The following UBE2E2 variants were observed in gnomAD, a reference collection of about 807,000 sequenced individuals.
UBE2E2 encodes ubiquitin conjugating enzyme E2 E2.
Under a neutral mutation model 24.7 loss-of-function variants are expected in UBE2E2, and 6 were observed. The ratio of observed to expected loss-of-function variants is 0.24; its 90% CI spans 0.13 to 0.48. The LOEUF is 0.48. Ranked by LOEUF, UBE2E2 falls within the 20% of genes least tolerant of loss-of-function variation. The pLI, the probability that UBE2E2 is intolerant of heterozygous loss-of-function variation, is 0.99. For synonymous variants in UBE2E2, 104 were observed against 83.6 expected (o/e 1.24, Z -1.33); for missense variants, 169 against 245.0 (o/e 0.69, Z 2.07).
chr3:23,542,175 T>C (rs1695408952), intron 5 of UBE2E2, among the ~76,000 whole-genome samples: 1 of 152,198 alleles, frequency 6.6e-6, no homozygotes, highest in African/African-American at 2.4e-5. Flanking sequence ...GGAGGGTACA[T>C]TTATCTGAGG....
intron 4 of UBE2E2, among the ~76,000 whole-genome samples, chr3:23,502,622 A>G (rs2125458067): frequency 6.6e-6 from 1 of 152,308 alleles, no homozygotes; most frequent in South Asian, 2.1e-4. Context: ...CCAATTTTTT[A>G]AAATCAGAGA....
chr3:23,367,182 T>C (rs1696280352), intron 3 of UBE2E2, among the ~76,000 whole-genome samples: 2 of 152,218 alleles, frequency 1.3e-5, no homozygotes, highest in Non-Finnish European at 2.9e-5. Flanking sequence ...ATGGAATTAA[T>C]TTGCCCTGTG....
chr3:23,379,784 A>G (rs1417811914), intron 3 of UBE2E2, among the ~76,000 whole-genome samples: 3 of 152,114 alleles, frequency 2.0e-5, no homozygotes, highest in African/African-American at 7.2e-5. Flanking sequence ...TTTACGTTGA[A>G]ATTCTGAAGA....
chr3:23,320,643 G>T (rs774565793), intron 3 of UBE2E2, among the ~76,000 whole-genome samples: 15 of 152,174 alleles, frequency 9.9e-5, no homozygotes, highest in Non-Finnish European at 1.6e-4. Context: ...TACGTATTTG[G>T]CCTGGGTTCA....
chr3:23,232,258 T>C (rs2125332511), intron 3 of UBE2E2, among the ~76,000 whole-genome samples: 1 of 152,360 alleles, frequency 6.6e-6, no homozygotes, highest in East Asian at 1.9e-4. Context: ...CCAAGGATTT[T>C]AGGAGTTGTA....
chr3:23,436,612 C>T (rs370978561), intron 3 of UBE2E2, among the ~76,000 whole-genome samples: 13 of 151,898 alleles, frequency 8.6e-5, no homozygotes, highest in East Asian at 7.7e-4. Context: ...GCGATTGAGC[C>T]GCTACACTCC....
At chr3:23,345,711 T>C (rs1029615357) in intron 3 of UBE2E2, among the ~76,000 whole-genome samples, 14 of 152,286 alleles carry the variant, frequency 9.2e-5, no homozygotes, top group Middle Eastern at 3.4e-3. Flanking sequence ...AATAGATAAA[T>C]TGATTTTTTT....
chr3:23,426,103 A>G (rs1358973139), intron 3 of UBE2E2, among the ~76,000 whole-genome samples: 1 of 152,222 alleles, frequency 6.6e-6, no homozygotes, highest in Non-Finnish European at 1.5e-5. Flanking sequence ...AATAAAAATG[A>G]AGAATGTTTT....
At chr3:23,451,675 A>G (rs888090836) in intron 3 of UBE2E2, among the ~76,000 whole-genome samples, 4 of 152,250 alleles carry the variant, frequency 2.6e-5, no homozygotes, top group Admixed American at 2.6e-4. Flanking sequence ...ACAACATGAA[A>G]AGTATAGAGG....
At chr3:23,510,189 T>G (rs1227589944) in intron 4 of UBE2E2, among the ~76,000 whole-genome samples, 1 of 152,226 alleles carries the variant, frequency 6.6e-6, no homozygotes, top group East Asian at 1.9e-4. Flanking sequence ...CAGTACATGA[T>G]CATGGCTTAT....
At chr3:23,363,115 A>G (rs766184196) in intron 3 of UBE2E2, among the ~76,000 whole-genome samples, 5 of 152,224 alleles carry the variant, frequency 3.3e-5, no homozygotes, top group Non-Finnish European at 5.9e-5. Context: ...ATTTGTTACC[A>G]CCAGACTTGC....
intron 3 of UBE2E2, among the ~76,000 whole-genome samples, chr3:23,282,295 G>A (rs552518029): frequency 6.6e-6 from 1 of 152,234 alleles, no homozygotes; most frequent in South Asian, 2.1e-4. Context: ...GTTGGCGCTG[G>A]ATGAATGTTT....
intron 1 of UBE2E2, among the ~76,000 whole-genome samples, chr3:23,207,310 C>G (rs1575469547): frequency 6.6e-6 from 1 of 152,104 alleles, no homozygotes; most frequent in East Asian, 1.9e-4. Flanking sequence ...ATTATAACAG[C>G]TACCTAAATA....
rs780028191 is a variant in UBE2E2, at chr3:23,583,632, A to G, written c.509-6102A>G. Among the ~76,000 whole-genome samples the G allele has an allele frequency of 3.3e-5, 5 of 152,112 alleles. No homozygotes were observed. The highest frequency in any genetic ancestry group is 4.8e-5 in the African/African-American group (2 of 41,430). ...GTGATTTGTAATTCTCATTGTAAAG[A>G]TCTTTCACCTCCCTGGTTAGCTGTA... On this transcript the variant is annotated intron_variant, in intron 5 of 5. Transcript: ENST00000396703. This position sits in a 1 kb window ranked among gnomAD's most constrained non-coding sequence, Gnocchi z 4.1.
intron 3 of UBE2E2, among the ~76,000 whole-genome samples, chr3:23,357,253 T>A (rs1297733924): frequency 6.6e-6 from 1 of 152,220 alleles, no homozygotes; most frequent in Non-Finnish European, 1.5e-5. Flanking sequence ...TGGTGATTAT[T>A]GATTTCTGAG....
chr3:23,455,388 A>G (rs969045663), intron 3 of UBE2E2, among the ~76,000 whole-genome samples: 1 of 152,166 alleles, frequency 6.6e-6, no homozygotes, highest in African/African-American at 2.4e-5. Flanking sequence ...CAGTGACTTT[A>G]TGTCTAAAGA....
chr3:23,315,628 T>G (rs1694552477), intron 3 of UBE2E2, among the ~76,000 whole-genome samples: 1 of 152,186 alleles, frequency 6.6e-6, no homozygotes, highest in Non-Finnish European at 1.5e-5. Flanking sequence ...TTAGTTCATT[T>G]GGTGAGGTCA....
chr3:23,434,173 T>A (rs1698130413), intron 3 of UBE2E2, among the ~76,000 whole-genome samples: 1 of 152,104 alleles, frequency 6.6e-6, no homozygotes, highest in Non-Finnish European at 1.5e-5. Flanking sequence ...CTTATTTTTA[T>A]TACAGGCTTT....
chr3:23,584,385 TC>T lies in UBE2E2; in HGVS notation c.509-5346del, dbSNP rs201514154. On this transcript the variant is annotated intron_variant, in intron 5 of 5. Coordinates refer to ENST00000396703, the MANE Select transcript of UBE2E2 (RefSeq NM_152653.4). Reference sequence around the variant, plus strand: ...TTAGTCTTGTTCCCTGTCTCTGTCCTCCCTTTTCTAGGTGGGACTATAAACC... The same window carrying T: ...TTAGTCTTGTTCCCTGTCTCTGTCCTCCTTTTCTAGGTGGGACTATAAACC... Among the ~76,000 whole-genome samples, 82 of 152,180 alleles carry T rather than the reference TC, an allele frequency of 5.4e-4. No homozygotes were observed. In the East Asian group the frequency reaches 0.016, roughly 29 times the overall value.
Sources: gnomAD v4.1 joint callset for allele counts (sites outside exome capture counted in the v4.1 genomes callset) on GRCh38, gnomAD v4.1.1 for gene constraint, Gnocchi (gnomAD v3.1) non-coding constraint, MANE v1.5 for transcripts, NCBI Gene and HGNC (gene_info 2026-07-23, HGNC 2026-07-21) for gene names.